Variants in RAPGEF6 observed in about 807,000 individuals in gnomAD.
The protein encoded by RAPGEF6 is Rap guanine nucleotide exchange factor 6, also known as PDZ domain containing guanine nucleotide exchange factor (GEF) 2.
RAPGEF6 carries 56 observed loss-of-function variants against 171.4 expected under a neutral mutation model. The ratio of observed to expected loss-of-function variants is 0.33; its 90% CI spans 0.26 to 0.41. The LOEUF (loss-of-function observed/expected upper bound fraction) is 0.41, where lower values mean the gene tolerates loss of function less well. Among genes scored for constraint, RAPGEF6 ranks in the 10% least tolerant of loss-of-function variants. The probability of loss-of-function intolerance (pLI) is 1.00; values close to 1 mark genes in which losing one functional copy is unlikely to be tolerated. For synonymous variants in RAPGEF6, 692 were observed against 650.1 expected, an observed-to-expected ratio of 1.06 and a Z score of -0.98; for missense variants, 1,674 against 1,921.4, an observed-to-expected ratio of 0.87 and a Z score of 2.41.
Position 131,461,722 on chromosome 5 carries a change from GGAATT to G in RAPGEF6, c.2842_2846del (p.Asn948HisfsTer39). 6.3e-7 allele frequency: 1 copy of G among 1,597,530 alleles called. No homozygotes were observed. Among genetic ancestry groups the G allele is most frequent in the African/African-American group, 1.3e-5 (1 of 74,620 alleles). On this transcript the variant is annotated frameshift_variant, in exon 19 of 28. Transcript: ENST00000509018. LOFTEE classifies it high-confidence loss of function. ...CAACTTACCTTATTATTGCAAACAT[GGAATT>G]GAAGTTCTTACATTCTCGACAATGA...
intron 15 of RAPGEF6, among the ~76,000 whole-genome samples, chr5:131,480,662 A>G (rs1214086782): frequency 6.6e-6 from 1 of 152,192 alleles, no homozygotes; most frequent in East Asian, 1.9e-4. Flanking sequence ...TATCTTCAGT[A>G]GAAATACGGT....
intron 5 of RAPGEF6, among the ~76,000 whole-genome samples, chr5:131,552,774 C>A (rs910767170): frequency 6.6e-6 from 1 of 151,952 alleles, no homozygotes; most frequent in Admixed American, 6.6e-5. Context: ...AAAAATGCAA[C>A]TTTAACATAA....
chr5:131,488,344 A>G (rs1047542878), intron 15 of RAPGEF6, among the ~76,000 whole-genome samples: 8 of 152,214 alleles, frequency 5.3e-5, no homozygotes, highest in Admixed American at 4.6e-4. Context: ...AAGGTATTAG[A>G]TACTTAGAAG....
intron 3 of RAPGEF6, among the ~76,000 whole-genome samples, chr5:131,598,116 T>C (rs1318950332): frequency 6.6e-6 from 1 of 152,110 alleles, no homozygotes; most frequent in Non-Finnish European, 1.5e-5. Flanking sequence ...AAACAGATGA[T>C]GGATTCAACC....
At chr5:131,573,406 A>G (rs1371796734) in intron 4 of RAPGEF6, among the ~76,000 whole-genome samples, 1 of 152,062 alleles carries the variant, frequency 6.6e-6, no homozygotes, top group Non-Finnish European at 1.5e-5. Flanking sequence ...AGACTCCACT[A>G]AACATATACA....
At position 131,492,634 on chromosome 5, in the gene RAPGEF6, C is replaced by G. The variant is rs774851541; in HGVS notation, c.1679G>C (p.Gly560Ala). The change falls in exon 14 of 28, where the codon GGA (glycine) becomes GCA (alanine). Residue 560 changes from glycine (G) to alanine (A), a missense_variant. Coordinates refer to ENST00000509018, the MANE Select transcript of RAPGEF6 (RefSeq NM_016340.6). ...AGCAGCTTTGCTACCAGGTTCTACT[C>G]CTTCAACAAAAATACCAAATCCCTT... ...SEKGFGIFVEGVEPGSKAADS... is the reference protein window; with the variant it reads ...SEKGFGIFVEAVEPGSKAADS... 9.9e-6 allele frequency: 16 copies of G among 1,614,032 alleles called. No individual in the cohort carries two copies. In the East Asian group the frequency reaches 3.6e-4, roughly 36 times the overall value.
chr5:131,462,435 A>G (rs1172108777), intron 18 of RAPGEF6, among the ~76,000 whole-genome samples: 2 of 152,206 alleles, frequency 1.3e-5, no homozygotes, highest in East Asian at 1.9e-4. Flanking sequence ...TACTATGTAA[A>G]TATTTGTTTA....
chr5:131,462,601 T>A (rs1754011041), intron 18 of RAPGEF6, among the ~76,000 whole-genome samples: 1 of 152,222 alleles, frequency 6.6e-6, no homozygotes, highest in Non-Finnish European at 1.5e-5. Flanking sequence ...ACACTTCCAC[T>A]AATGGTTTCT....
intron 15 of RAPGEF6, among the ~76,000 whole-genome samples, chr5:131,487,921 T>C (rs1170702524): frequency 6.6e-6 from 1 of 152,230 alleles, no homozygotes; most frequent in Non-Finnish European, 1.5e-5. Flanking sequence ...TTTACAAATA[T>C]TCCTTTGTAA....
chr5:131,590,853 G>GA (rs1763546101), intron 4 of RAPGEF6, among the ~76,000 whole-genome samples: 1 of 152,048 alleles, frequency 6.6e-6, no homozygotes, highest in African/African-American at 2.4e-5. Flanking sequence ...GTGTTCAACA[G>GA]AAAAATACTA....
At chr5:131,564,188 T>C (rs371610844) in intron 4 of RAPGEF6, among the ~76,000 whole-genome samples, 13 of 152,200 alleles carry the variant, frequency 8.5e-5, no homozygotes, top group East Asian at 5.8e-4. Context: ...TACTTAGAAT[T>C]TGCAAGGCAG....
intron 1 of RAPGEF6, among the ~76,000 whole-genome samples, chr5:131,623,737 G>A (rs1389647117): frequency 6.6e-6 from 1 of 152,006 alleles, no homozygotes; most frequent in Admixed American, 6.6e-5. Flanking sequence ...TGCCCGCCTC[G>A]GCCTCCCAAA....
At chr5:131,540,011 C>T (rs1331962218) in intron 6 of RAPGEF6, among the ~76,000 whole-genome samples, 1 of 152,098 alleles carries the variant, frequency 6.6e-6, no homozygotes, top group East Asian at 1.9e-4. Context: ...AACCCCAATC[C>T]ATAATGCTGC....
At chr5:131,535,955 G>A (rs1188709824) in intron 6 of RAPGEF6, among the ~76,000 whole-genome samples, 2 of 151,932 alleles carry the variant, frequency 1.3e-5, no homozygotes, top group Non-Finnish European at 1.5e-5. Context: ...CAAAACTAAT[G>A]ATAACAAAAA....
intron 6 of RAPGEF6, among the ~76,000 whole-genome samples, chr5:131,531,435 A>G (rs1759363833): frequency 6.6e-6 from 1 of 152,090 alleles, no homozygotes; most frequent in South Asian, 2.1e-4. Context: ...TTTTCCTACA[A>G]CCTAGCCTGG....
rs544308880 is a variant in RAPGEF6 at position 131,457,927 on chromosome 5, T to G, written c.2865-1915A>C. On this transcript the variant is annotated intron_variant, in intron 19 of 27. Coordinates refer to ENST00000509018, the MANE Select transcript of RAPGEF6 (RefSeq NM_016340.6). ...AAAATTAGATTGTTTAACTCAAAAC[T>G]CCCAAAATATTAACTGAAAATTATT... Among the ~76,000 whole-genome samples the G allele has an allele frequency of 3.8e-4, 58 of 152,248 alleles. No homozygotes were observed. In the South Asian group the frequency reaches 0.012, roughly 32 times the overall value.
At chr5:131,515,207 T>C (rs974764362) in intron 7 of RAPGEF6, among the ~76,000 whole-genome samples, 3 of 152,222 alleles carry the variant, frequency 2.0e-5, no homozygotes, top group African/African-American at 7.2e-5. Context: ...CCTTAGACTT[T>C]CAGTGCCTCT....
intron 18 of RAPGEF6, among the ~76,000 whole-genome samples, chr5:131,462,439 T>C (rs1352339156): frequency 1.3e-5 from 2 of 152,216 alleles, no homozygotes; most frequent in African/African-American, 4.8e-5. Flanking sequence ...ATGTAAATAT[T>C]TGTTTATGAA....
intron 9 of RAPGEF6, among the ~76,000 whole-genome samples, 186 bp from the exon 10 acceptor site, chr5:131,505,708 C>T (rs1757330531): frequency 6.6e-6 from 1 of 152,164 alleles, no homozygotes; most frequent in Non-Finnish European, 1.5e-5. Context: ...TTTATTTTTA[C>T]TCTTTCTTCT....
Sources: gnomAD v4.1 joint callset for allele counts (sites outside exome capture counted in the v4.1 genomes callset) on GRCh38, gnomAD v4.1.1 for gene constraint, MANE v1.5 for transcripts, NCBI Gene and HGNC (gene_info 2026-07-23, HGNC 2026-07-21) for gene names.